SLC28A3: variants seen among roughly 807,000 people sequenced by gnomAD.
The protein encoded by SLC28A3 is concentrative Na(+)-nucleoside cotransporter 3.
SLC28A3 carries 68 observed loss-of-function variants against 84.2 expected under a neutral mutation model. The observed-to-expected ratio is 0.81, with a 90% confidence interval of 0.66 to 0.99. The LOEUF is 0.99. Among genes scored for constraint, SLC28A3 ranks in the 50% least tolerant of loss-of-function variants. SLC28A3 has a pLI of 0.00. For synonymous variants in SLC28A3, 267 were observed against 303.6 expected (o/e 0.88, Z 1.25); for missense variants, 712 against 841.5 (o/e 0.85, Z 1.90).
In SLC28A3 at chr9:84,292,648, C is replaced by A; in HGVS notation, c.1023+20G>T. 1 of 1,577,534 alleles carries A rather than the reference C, an allele frequency of 6.3e-7. No homozygotes were observed. The highest frequency in any genetic ancestry group is 1.1e-5 in the South Asian group (1 of 87,838). On this transcript the variant is annotated intron_variant, in intron 10 of 17. Coordinates refer to ENST00000376238, the MANE Select transcript of SLC28A3 (RefSeq NM_001199633.2). ...GATCCATTTCAACAGATGTTTTGTT[C>A]TGTTGATATTACAACTTACTTGTCC...
At chr9:84,287,021 T>A (rs1357600956) in intron 12 of SLC28A3, among the ~76,000 whole-genome samples, 1 of 152,008 alleles carries the variant, frequency 6.6e-6, no homozygotes, top group African/African-American at 2.4e-5. Context: ...CTGGACAACA[T>A]GGTGAAATAC....
chr9:84,360,804 TA>T, the SLC28A3 span, among the ~76,000 whole-genome samples: 1 of 152,012 alleles, frequency 6.6e-6, no homozygotes, highest in Non-Finnish European at 1.5e-5. Context: ...GTAGTCTTGC[TA>T]ATCAGGAGGC....
At chr9:84,351,709 G>C in the SLC28A3 span, among the ~76,000 whole-genome samples, 3 of 150,962 alleles carry the variant, frequency 2.0e-5, no homozygotes, top group Non-Finnish European at 4.4e-5. Context: ...AAAAGACAAC[G>C]TAGGGACAAT....
chr9:84,279,115 G>A (rs1013394658), intron 17 of SLC28A3, 150 bp downstream of exon 17: 4 of 590,190 alleles, frequency 6.8e-6, no homozygotes, highest in Admixed American at 3.7e-5. Flanking sequence ...AAGTCGATGA[G>A]TGAGCGGAGA....
the SLC28A3 span, among the ~76,000 whole-genome samples, chr9:84,361,293 C>T: frequency 6.6e-6 from 1 of 152,078 alleles, no homozygotes; most frequent in African/African-American, 2.4e-5. Flanking sequence ...TGCAGTGAGC[C>T]GAGATCGCGC....
chr9:84,320,874 G>A (rs1386055804), intron 1 of SLC28A3, among the ~76,000 whole-genome samples: 1 of 151,518 alleles, frequency 6.6e-6, no homozygotes, highest in Non-Finnish European at 1.5e-5. Flanking sequence ...GCTGAGGCAG[G>A]AGAATTGCTT....
chr9:84,303,616 T>G (rs10217672), intron 4 of SLC28A3, among the ~76,000 whole-genome samples: 20,199 of 152,028 alleles, frequency 0.13, 3,216 homozygotes, highest in African/African-American at 0.37. Context: ...CACCGTGCCC[T>G]GCCTCTTTAG....
Position 84,285,973 on chromosome 9 carries a change from G to C in SLC28A3, c.1419C>G (p.Asn473Lys). 6.2e-7 allele frequency: 1 copy of C among 1,613,992 alleles called. No homozygotes were observed. Among genetic ancestry groups the C allele is most frequent in the Non-Finnish European group, 8.5e-7 (1 of 1,179,950 alleles). ...AACTCAGCTGTGGGTAGTCAAACAT[G>C]TTTCCAAACCAGGACAGGGCTGAAT... is the stretch of plus-strand genomic sequence containing the variant. ...FMNSALSWFGNMFDYPQLSFE... is the reference protein window; with the variant it reads ...FMNSALSWFGKMFDYPQLSFE... The change falls in exon 13 of 18, where the codon AAC becomes AAG. Residue 473 changes from asparagine to lysine, a missense_variant. Asn to Lys is a moderately conservative substitution (Grantham distance 94). Transcript: ENST00000376238.
intron 2 of SLC28A3, 150 bp downstream of exon 2, chr9:84,313,209 A>T: frequency 1.8e-6 from 1 of 570,858 alleles, no homozygotes; most frequent in Non-Finnish European, 3.0e-6. Flanking sequence ...TGTTTTCTTT[A>T]CGACTATGCC....
intron 5 of SLC28A3, among the ~76,000 whole-genome samples, chr9:84,301,785 C>T (rs1564158007): frequency 1.3e-5 from 2 of 152,138 alleles, no homozygotes; most frequent in Non-Finnish European, 2.9e-5. Context: ...GATCATGGTG[C>T]CCTCCCACTG....
At position 84,339,933 on chromosome 9, in the gene SLC28A3, C is replaced by A. The variant is rs115555854; in HGVS notation, c.60+641G>T. ...CTTGCCGGTGCAGGCTTCCCATCTT[C>A]TCCAGAGCGCCCATGCTGAGTGTCA... On this transcript the variant is annotated intron_variant, in intron 1 of 17. Transcript: ENST00000376238. 2.4e-3 allele frequency among the ~76,000 whole-genome samples: 368 copies of A among 152,330 alleles called. 2 individuals carry two copies. Among genetic ancestry groups the A allele is most frequent in the African/African-American group, 8.1e-3 (338 of 41,576 alleles).
the SLC28A3 span, among the ~76,000 whole-genome samples, chr9:84,355,963 C>A: frequency 9.2e-5 from 14 of 151,888 alleles, no homozygotes; most frequent in Non-Finnish European, 1.5e-4. Context: ...TACGGGTGCA[C>A]CCCACCACAC....
At chr9:84,288,794 G>A (rs1825098882) in intron 11 of SLC28A3, among the ~76,000 whole-genome samples, 1 of 152,106 alleles carries the variant, frequency 6.6e-6, no homozygotes. Context: ...TGATCTGCCT[G>A]CCTTGGTCCC....
the SLC28A3 span, among the ~76,000 whole-genome samples, chr9:84,355,186 C>T: frequency 3.3e-5 from 5 of 151,920 alleles, no homozygotes; most frequent in Admixed American, 1.3e-4. Flanking sequence ...AACAGTAAAA[C>T]GCATAATAAA....
rs748160962 is a variant in SLC28A3 at position 84,278,351 on chromosome 9, G to C, written c.1950-7C>G. 1.9e-6 allele frequency: 3 copies of C among 1,613,644 alleles called. No homozygotes were observed. In the African/African-American group the frequency reaches 4.0e-5, roughly 22 times the overall value. ...AGGACCCTTGGCAACAGTGCTGGTG[G>C]AAAGTGGAAAGAAACAGTTACATGA... is the stretch of plus-strand genomic sequence containing the variant. On this transcript the variant is annotated splice_polypyrimidine_tract_variant and splice_region_variant and intron_variant, in intron 17 of 17. Coordinates refer to ENST00000376238, the MANE Select transcript of SLC28A3 (RefSeq NM_001199633.2).
the SLC28A3 span, among the ~76,000 whole-genome samples, chr9:84,362,907 TA>T: frequency 5.9e-5 from 9 of 152,026 alleles, no homozygotes; most frequent in African/African-American, 2.2e-4. Context: ...ATACATTAAA[TA>T]ACAGATTTAT....
intron 12 of SLC28A3, 46 bp downstream of exon 12, chr9:84,288,002 G>A (rs760350854): frequency 2.0e-5 from 32 of 1,610,756 alleles, no homozygotes; most frequent in African/African-American, 6.7e-5. Flanking sequence ...GGAGTCCCCC[G>A]CCCCGGCTTG....
At position 84,294,133 on chromosome 9, in the gene SLC28A3, G is replaced by T; in HGVS notation, c.942+62C>A. On this transcript the variant is annotated intron_variant, in intron 9 of 17. Coordinates refer to ENST00000376238, the MANE Select transcript of SLC28A3 (RefSeq NM_001199633.2). ...TAAATACCTGCATAAAAGGCCTTGA[G>T]GACTTCGTGCCTGAGATAATCAGCT... The T allele has an allele frequency of 2.0e-6, 3 of 1,511,252 alleles. No individual in the cohort carries two copies. The East Asian group carries it at 6.9e-5, about 35-fold the overall frequency. The allele number at this position is 1,511,252 out of a possible 1,614,324, so 93.6% of individuals were successfully genotyped here.
chr9:84,294,040 T>C (rs1329776404), intron 9 of SLC28A3, among the ~76,000 whole-genome samples, 155 bp downstream of exon 9: 1 of 152,176 alleles, frequency 6.6e-6, no homozygotes, highest in Non-Finnish European at 1.5e-5. Context: ...ACATTTAGGA[T>C]TGGAGGTTTT....
Sources: allele counts gnomAD v4.1 joint callset (sites outside exome capture counted in the v4.1 genomes callset), GRCh38; gene constraint gnomAD v4.1.1; transcripts MANE v1.5; gene names NCBI Gene and HGNC (gene_info 2026-07-23, HGNC 2026-07-21).